Variants in FGF14 observed in about 807,000 individuals in gnomAD.
FGF14 encodes fibroblast growth factor 14.
In FGF14, 5 loss-of-function variants were observed where a neutral mutation model predicts 25.5. The observed-to-expected ratio is 0.20, with a 90% CI of 0.10 to 0.41. FGF14 has a LOEUF of 0.41. FGF14 is among the 10% of genes least tolerant of loss of function. The probability of loss-of-function intolerance (pLI) is 1.00; values close to 1 mark genes in which losing one functional copy is unlikely to be tolerated. For synonymous variants in FGF14, 138 were observed against 118.3 expected (o/e 1.17, Z -1.08); for missense variants, 222 against 320.1 (o/e 0.69, Z 2.34).
chr13:101,959,600 T>C (rs1682891332), intron 1 of FGF14, among the ~76,000 whole-genome samples: 1 of 152,198 alleles, frequency 6.6e-6, no homozygotes, highest in Non-Finnish European at 1.5e-5. Context: ...GTTTCTTTCC[T>C]CTGACTCCCA....
chr13:102,255,862 C>T lies in FGF14; in HGVS notation c.208+145609G>A, dbSNP rs79021263. 3.6e-4 allele frequency among the ~76,000 whole-genome samples: 55 copies of T among 152,316 alleles called. No individual in the cohort carries two copies. The East Asian group carries it at 0.01, about 28-fold the overall frequency. On this transcript the variant is annotated intron_variant, in intron 1 of 4. Transcript: ENST00000376131. ...GCTAATATTGTGAGTGAGCATGCTGCTTTAGGACTGTAACCTTGGTACTTC... is the reference window on the plus strand; with the variant it reads ...GCTAATATTGTGAGTGAGCATGCTGTTTTAGGACTGTAACCTTGGTACTTC...
chr13:101,775,580 A>G (rs1033512927), intron 3 of FGF14, among the ~76,000 whole-genome samples: 1 of 152,140 alleles, frequency 6.6e-6, no homozygotes, highest in Non-Finnish European at 1.5e-5. Context: ...TAAGCAACAT[A>G]TCTTAGGAAA....
chr13:101,967,218 G>A (rs2037266310), intron 1 of FGF14, among the ~76,000 whole-genome samples: 1 of 152,158 alleles, frequency 6.6e-6, no homozygotes, highest in Non-Finnish European at 1.5e-5. Context: ...GAATCAAAGT[G>A]ACTTCTTCTG....
At chr13:101,788,682 A>G (rs1437484810) in intron 3 of FGF14, among the ~76,000 whole-genome samples, 2 of 151,634 alleles carry the variant, frequency 1.3e-5, no homozygotes, top group African/African-American at 4.8e-5. Flanking sequence ...TGGATTTCTC[A>G]AAGTGTATTT....
At chr13:101,910,284 A>G (rs909953442) in intron 1 of FGF14, among the ~76,000 whole-genome samples, 2 of 152,128 alleles carry the variant, frequency 1.3e-5, no homozygotes, top group African/African-American at 2.4e-5. Context: ...CAAAATAATA[A>G]TAATAATAAT....
rs56028235 is a variant in FGF14, at chr13:102,275,262, T to TTCTC, written c.208+126205_208+126208dup. On this transcript the variant is annotated intron_variant, in intron 1 of 4. Coordinates refer to the FGF14 transcript ENST00000376131. ...TCTCTCTCTCTCTCTCTCTCTCTCT[T>TTCTC]TCTCTCTCTCTCTCTCTCTCTCTCT... Among the ~76,000 whole-genome samples the TTCTC allele has an allele frequency of 3.3e-3, 225 of 68,988 alleles. 2 individuals carry two copies. The highest frequency in any genetic ancestry group is 0.011 in the African/African-American group (212 of 19,894). The allele number at this position is 68,988 out of a possible 152,430, so 45.3% of individuals were successfully genotyped here.
At chr13:102,353,000 T>A (rs2057331584) in intron 1 of FGF14, among the ~76,000 whole-genome samples, 1 of 152,138 alleles carries the variant, frequency 6.6e-6, no homozygotes, top group African/African-American at 2.4e-5. Context: ...TTAGATTTAC[T>A]TTCATCTTCT....
intron 1 of FGF14, among the ~76,000 whole-genome samples, chr13:102,055,372 G>C (rs753728932): frequency 2.0e-5 from 3 of 152,134 alleles, no homozygotes; most frequent in Non-Finnish European, 4.4e-5. Context: ...CCTCTAGAGG[G>C]ATTAATCTCT....
At chr13:101,904,110 T>C (rs536076133) in intron 1 of FGF14, among the ~76,000 whole-genome samples, 16 of 152,336 alleles carry the variant, frequency 1.1e-4, no homozygotes, top group Admixed American at 8.5e-4. Flanking sequence ...ATCTATCAAA[T>C]TGTCTTGTTC....
In FGF14 at chr13:101,988,385, G is replaced by T. The variant is rs184782110; in HGVS notation, c.209-113089C>A. Among the ~76,000 whole-genome samples the T allele has an allele frequency of 5.3e-5, 8 of 151,966 alleles. No homozygotes were observed. The South Asian group carries it at 1.0e-3, about 20-fold the overall frequency. ...AGCGCTAAATGAAGCACTATGTTCC[G>T]ATCTATTCAACCCAACACAAATAAA... On this transcript the variant is annotated intron_variant, in intron 1 of 4. Coordinates refer to the FGF14 transcript ENST00000376131.
chr13:102,111,142 G>A (rs2045203782), intron 1 of FGF14, among the ~76,000 whole-genome samples: 1 of 151,982 alleles, frequency 6.6e-6, no homozygotes, highest in Admixed American at 6.6e-5. Flanking sequence ...TCCTCCACCT[G>A]CAGGCACCAC....
chr13:101,828,496 G>A (rs1334238488), intron 3 of FGF14, among the ~76,000 whole-genome samples: 2 of 148,888 alleles, frequency 1.3e-5, no homozygotes, highest in Non-Finnish European at 3.0e-5. Flanking sequence ...TGCAAGATGA[G>A]AGAAAGCATG....
chr13:101,809,683 C>T (rs1446587839), intron 3 of FGF14, among the ~76,000 whole-genome samples: 1 of 152,042 alleles, frequency 6.6e-6, no homozygotes, highest in Non-Finnish European at 1.5e-5. Context: ...TATAATATAA[C>T]AGAGCATGAA....
chr13:102,132,511 CTTTCTT>C (rs371666689), intron 1 of FGF14, among the ~76,000 whole-genome samples: 2,315 of 132,166 alleles, frequency 0.018, 22 homozygotes, highest in Non-Finnish European at 0.025. Context: ...TTCTTTCTTT[CTTTCTT>C]TTTTTTTTTT....
At chr13:102,350,412 T>G (rs2057242643) in intron 1 of FGF14, among the ~76,000 whole-genome samples, 2 of 151,374 alleles carry the variant, frequency 1.3e-5, no homozygotes, top group South Asian at 4.2e-4. Flanking sequence ...CCAACAGGCT[T>G]AAAGAAAGAA....
intron 1 of FGF14, among the ~76,000 whole-genome samples, chr13:102,385,037 T>C (rs180782595): frequency 2.0e-5 from 3 of 152,358 alleles, no homozygotes; most frequent in Admixed American, 1.3e-4. Flanking sequence ...TATTGTCAAG[T>C]ATGTCTAACC....
chr13:101,937,756 C>T (rs753963069), intron 1 of FGF14, among the ~76,000 whole-genome samples: 37 of 152,070 alleles, frequency 2.4e-4, no homozygotes, highest in Non-Finnish European at 2.9e-4. Context: ...CTCACCACCA[C>T]GCCCAGCTAT....
At chr13:101,778,129 T>C (rs1473809696) in intron 3 of FGF14, among the ~76,000 whole-genome samples, 1 of 152,158 alleles carries the variant, frequency 6.6e-6, no homozygotes, top group African/African-American at 2.4e-5. Context: ...CAAAGGAAAG[T>C]CCGGCTGCCA....
intron 1 of FGF14, among the ~76,000 whole-genome samples, chr13:102,251,874 TTATC>T (rs1166455372): frequency 6.6e-6 from 1 of 152,296 alleles, no homozygotes; most frequent in East Asian, 1.9e-4. Flanking sequence ...AAGCACACCC[TTATC>T]TAAATATCAC....
Sources: gnomAD v4.1 joint callset for allele counts (sites outside exome capture counted in the v4.1 genomes callset) on GRCh38, gnomAD v4.1.1 for gene constraint, MANE v1.5 for transcripts, NCBI Gene and HGNC (gene_info 2026-07-23, HGNC 2026-07-21) for gene names.